Variants in TMEM267 observed in about 807,000 individuals in gnomAD.
TMEM267 encodes transmembrane protein C5orf28.
TMEM267 carries 20 observed loss-of-function variants against 19.3 expected under a neutral mutation model. The ratio of observed to expected loss-of-function variants is 1.04; its 90% CI spans 0.73 to 1.51. TMEM267 has a LOEUF of 1.51. Ranked by LOEUF, TMEM267 falls within the 40% of genes most tolerant of loss-of-function variation. The probability of loss-of-function intolerance (pLI) is 0.00; values close to 1 mark genes in which losing one functional copy is unlikely to be tolerated. For missense variants in TMEM267, 242 were observed against 261.9 expected (o/e 0.92, Z 0.52); for synonymous variants, 88 against 90.3 (o/e 0.97, Z 0.15).
Position 43,453,702 on chromosome 5 carries a change from T to C in TMEM267, c.268A>G (p.Ile90Val), listed in dbSNP as rs1230016306. 2 of 1,614,090 alleles carry C rather than the reference T, an allele frequency of 1.2e-6. No homozygotes were observed. The highest frequency in any genetic ancestry group is 2.2e-5 in the East Asian group (1 of 44,876). ...GCTAGAAAAAAGTGGTCTACATCAA[T>C]AACAGAGGCTAAAAATCCAGCTAAA... ...IILAGFLASVIDVDHFFLAGS... is the reference protein window; with the variant it reads ...IILAGFLASVVDVDHFFLAGS... The change falls in exon 2 of 3, where the codon ATT becomes GTT. Residue 90 changes from isoleucine (I) to valine (V), a missense_variant. By Grantham distance (29) the Ile-to-Val change is conservative. Transcript: ENST00000397080.
chr5:43,481,926 TC>T (rs1342940512), intron 1 of TMEM267, among the ~76,000 whole-genome samples: 3 of 152,068 alleles, frequency 2.0e-5, no homozygotes, highest in Non-Finnish European at 4.4e-5. Context: ...CACTGCAAGC[TC>T]CCCCTCCCGG....
chr5:43,461,539 G>C (rs1194257778), intron 1 of TMEM267, among the ~76,000 whole-genome samples: 1 of 152,262 alleles, frequency 6.6e-6, no homozygotes, highest in African/African-American at 2.4e-5. Flanking sequence ...GACCTGCCCT[G>C]GGCCACAGAG....
At chr5:43,454,658 T>A (rs931831207) in intron 1 of TMEM267, 2 of 152,190 alleles carry the variant, frequency 1.3e-5, no homozygotes, top group African/African-American at 4.8e-5. Flanking sequence ...AATAGAATCA[T>A]GATGACAGTG....
At position 43,453,644 on chromosome 5, in the gene TMEM267, C is replaced by T. The variant is rs1437542103; in HGVS notation, c.312+14G>A. 1 of 1,604,590 alleles carries T rather than the reference C, an allele frequency of 6.2e-7. No homozygotes were observed. Among genetic ancestry groups the T allele is most frequent in the Non-Finnish European group, 8.5e-7 (1 of 1,176,154 alleles). On this transcript the variant is annotated intron_variant, in intron 2 of 2. Coordinates refer to ENST00000397080, the MANE Select transcript of TMEM267 (RefSeq NM_022483.5). ...GAAATTAAAGATCAGAAAAATTAAG[C>T]CTATGCTTTTTACCTTTAAAGACAT...
intron 1 of TMEM267, among the ~76,000 whole-genome samples, chr5:43,473,133 G>A (rs1399807416): frequency 7.8e-5 from 8 of 102,376 alleles, no homozygotes; most frequent in Middle Eastern, 6.8e-3. Flanking sequence ...GCGAGACTCC[G>A]TGTCACAAAA....
chr5:43,481,992 G>A (rs999709971), intron 1 of TMEM267, among the ~76,000 whole-genome samples: 7 of 152,064 alleles, frequency 4.6e-5, no homozygotes, highest in African/African-American at 1.7e-4. Context: ...ACAGGCGCCC[G>A]CCACCACGCC....
At chr5:43,457,119 G>C (rs1048821327) in intron 1 of TMEM267, among the ~76,000 whole-genome samples, 1 of 152,132 alleles carries the variant, frequency 6.6e-6, no homozygotes, top group African/African-American at 2.4e-5. Flanking sequence ...AAATTACACA[G>C]TTAAAACCCA....
At chr5:43,448,906 C>T (rs1021112386) in intron 2 of TMEM267, among the ~76,000 whole-genome samples, 14 of 149,470 alleles carry the variant, frequency 9.4e-5, no homozygotes, top group Admixed American at 3.3e-4. Flanking sequence ...CTCCAAAGTA[C>T]GTTAAATCTC....
intron 2 of TMEM267, among the ~76,000 whole-genome samples, chr5:43,452,072 T>TA (rs1742630238): frequency 1.1e-5 from 1 of 89,952 alleles, no homozygotes; most frequent in African/African-American, 6.0e-5. Context: ...AGCAAGACCC[T>TA]ATCTCAAAAA....
intron 1 of TMEM267, among the ~76,000 whole-genome samples, chr5:43,471,869 G>A (rs1053163739): frequency 3.9e-5 from 6 of 152,068 alleles, no homozygotes; most frequent in African/African-American, 7.2e-5. Context: ...AAATCTCCAC[G>A]ACATTGATGT....
intron 1 of TMEM267, among the ~76,000 whole-genome samples, chr5:43,466,290 C>A (rs1743667484): frequency 6.6e-6 from 1 of 152,148 alleles, no homozygotes; most frequent in Non-Finnish European, 1.5e-5. Context: ...AGCTTCAATA[C>A]ATCTGGCAGC....
chr5:43,462,657 C>G (rs1743339309), intron 1 of TMEM267, among the ~76,000 whole-genome samples: 1 of 151,970 alleles, frequency 6.6e-6, no homozygotes, highest in African/African-American at 2.4e-5. Flanking sequence ...GAAGAATGCA[C>G]CACAGTCATT....
intron 2 of TMEM267, among the ~76,000 whole-genome samples, chr5:43,448,795 C>A (rs1410935535): frequency 6.7e-6 from 1 of 148,506 alleles, no homozygotes; most frequent in Non-Finnish European, 1.5e-5. Flanking sequence ...CCCCCCCCCA[C>A]AAAAAAAACT....
Position 43,453,966 on chromosome 5 carries a change from C to T in TMEM267, c.4G>A (p.Ala2Thr), listed in dbSNP as rs371101482. The part of the protein sequence containing the change: M[A>T]SETEKTHALL... ...GCATGGGTCTTTTCAGTCTCGGATG[C>T]CATGACAAACAATATGTTAGTATAG... The change falls in exon 2 of 3, where the codon GCA becomes ACA. Residue 2 changes from alanine (A) to threonine (T), a missense_variant. Transcript: ENST00000397080. 2.5e-6 allele frequency: 4 copies of T among 1,611,616 alleles called. No individual in the cohort carries two copies. The African/African-American group carries it at 4.0e-5, about 16-fold the overall frequency.
intron 1 of TMEM267, among the ~76,000 whole-genome samples, chr5:43,473,984 T>C (rs1242562042): frequency 6.6e-5 from 10 of 152,134 alleles, no homozygotes; most frequent in Non-Finnish European, 1.3e-4. Context: ...ATCTGATCTT[T>C]GACAAATCTG....
At chr5:43,455,094 G>A (rs1662105753) in intron 1 of TMEM267, among the ~76,000 whole-genome samples, 1 of 152,090 alleles carries the variant, frequency 6.6e-6, no homozygotes, top group South Asian at 2.1e-4. Context: ...CTAAGTTGGA[G>A]GACTACTTAT....
At chr5:43,484,020 T>C (rs1744979902), upstream of TMEM267, 1 of 151,590 alleles carries the variant, frequency 6.6e-6, no homozygotes, top group African/African-American at 2.4e-5. Flanking sequence ...ATACCTCGAG[T>C]TTCTCCTCGC....
chr5:43,481,106 CTTTTT>C (rs70994700), intron 1 of TMEM267, among the ~76,000 whole-genome samples: 9 of 124,448 alleles, frequency 7.2e-5, no homozygotes, highest in Admixed American at 3.3e-4. Flanking sequence ...GCCCGGCTTA[CTTTTT>C]TTTTTTTTTT....
intron 1 of TMEM267, among the ~76,000 whole-genome samples, chr5:43,466,058 GAC>G (rs1419282962): frequency 6.6e-6 from 1 of 152,006 alleles, no homozygotes; most frequent in Non-Finnish European, 1.5e-5. Context: ...GTAAAGATGA[GAC>G]AGAGGAAGAG....
Sources: allele counts gnomAD v4.1 joint callset (sites outside exome capture counted in the v4.1 genomes callset), GRCh38; gene constraint gnomAD v4.1.1; transcripts MANE v1.5; gene names NCBI Gene and HGNC (gene_info 2026-07-23, HGNC 2026-07-21).